The following EXOC6B variants were observed in gnomAD, a reference collection of about 807,000 sequenced individuals.
The protein encoded by EXOC6B is exocyst complex component 6B, also known as SEC15 homolog B.
Under a neutral mutation model 113.5 loss-of-function variants are expected in EXOC6B, and 54 were observed. The ratio of observed to expected loss-of-function variants is 0.48; its 90% confidence interval spans 0.38 to 0.60. The LOEUF (loss-of-function observed/expected upper bound fraction) is 0.60, where lower values mean the gene tolerates loss of function less well. Ranked by LOEUF, EXOC6B falls within the 20% of genes least tolerant of loss-of-function variation. EXOC6B has a pLI of 0.00. For synonymous variants in EXOC6B, 357 were observed against 339.0 expected, an observed-to-expected ratio of 1.05 and a Z score of -0.58; for missense variants, 797 against 977.5, an observed-to-expected ratio of 0.82 and a Z score of 2.46.
chr2:72,342,836 A>G (rs916492231), intron 19 of EXOC6B, among the ~76,000 whole-genome samples: 1 of 152,188 alleles, frequency 6.6e-6, no homozygotes, highest in Admixed American at 6.5e-5. Context: ...AGTTAAAACT[A>G]TAGTTACCGT....
At chr2:72,196,562 T>C (rs900205891) in intron 20 of EXOC6B, among the ~76,000 whole-genome samples, 1 of 152,220 alleles carries the variant, frequency 6.6e-6, no homozygotes, top group African/African-American at 2.4e-5. Flanking sequence ...ATTTTGGAAC[T>C]AATCAATAGT....
intron 20 of EXOC6B, among the ~76,000 whole-genome samples, chr2:72,258,528 A>G (rs1683496759): frequency 6.6e-6 from 1 of 151,062 alleles, no homozygotes; most frequent in Non-Finnish European, 1.5e-5. Context: ...ACTCCTGGCT[A>G]ATTTTTTAAA....
At chr2:72,790,624 G>A (rs1012201473) in intron 1 of EXOC6B, among the ~76,000 whole-genome samples, 2 of 152,078 alleles carry the variant, frequency 1.3e-5, no homozygotes, top group African/African-American at 4.8e-5. Context: ...GAAAAAAGTA[G>A]TCCATTTTAA....
intron 18 of EXOC6B, among the ~76,000 whole-genome samples, chr2:72,437,031 C>T (rs1479459698): frequency 3.3e-5 from 5 of 152,134 alleles, no homozygotes; most frequent in African/African-American, 7.2e-5. Flanking sequence ...TCCTCATCTC[C>T]GTGGATTTAT....
At chr2:72,261,971 G>A (rs751838614) in intron 20 of EXOC6B, among the ~76,000 whole-genome samples, 1 of 152,124 alleles carries the variant, frequency 6.6e-6, no homozygotes, top group Non-Finnish European at 1.5e-5. Context: ...GCCCAGGAAG[G>A]TTAGATTACT....
chr2:72,339,138 G>A (rs575992479), intron 19 of EXOC6B, among the ~76,000 whole-genome samples: 15 of 152,174 alleles, frequency 9.9e-5, no homozygotes, highest in African/African-American at 2.9e-4. Context: ...TACCACATGA[G>A]AGAGGGGCAA....
chr2:72,676,133 A>ATTTTTTT (rs1676288140), intron 6 of EXOC6B, among the ~76,000 whole-genome samples: 1 of 151,980 alleles, frequency 6.6e-6, no homozygotes, highest in Non-Finnish European at 1.5e-5. Flanking sequence ...GTTTAAAAAA[A>ATTTTTTT]AAAAAAAAGA....
intron 6 of EXOC6B, among the ~76,000 whole-genome samples, chr2:72,631,426 GTATATATATATA>G (rs376088377): frequency 0.013 from 363 of 28,128 alleles, 13 homozygotes; most frequent in Middle Eastern, 0.045. Flanking sequence ...GTGTGTGTGT[GTATATATATATA>G]TATATATATA....
chr2:72,415,859 C>A (rs659833), intron 18 of EXOC6B, among the ~76,000 whole-genome samples: 55,228 of 151,960 alleles, frequency 0.36, 16,430 homozygotes, highest in African/African-American at 0.83. Flanking sequence ...GCAGAGAAAA[C>A]GTGATTTCTA....
intron 18 of EXOC6B, among the ~76,000 whole-genome samples, chr2:72,423,874 A>G (rs1249394385): frequency 6.6e-6 from 1 of 152,208 alleles, no homozygotes; most frequent in East Asian, 1.9e-4. Flanking sequence ...TCAAAATGTA[A>G]TATTTTTATT....
chr2:72,492,915 A>G (rs1229914227), intron 15 of EXOC6B, among the ~76,000 whole-genome samples: 1 of 151,966 alleles, frequency 6.6e-6, no homozygotes, highest in African/African-American at 2.4e-5. Flanking sequence ...CAAAATCTTG[A>G]ATTTCTTGTT....
chr2:72,380,687 A>T (rs590252), intron 18 of EXOC6B, among the ~76,000 whole-genome samples: 13 of 151,850 alleles, frequency 8.6e-5, no homozygotes, highest in Non-Finnish European at 1.5e-4. Context: ...AAACAAAAAG[A>T]TTACCTGAAA....
In EXOC6B at chr2:72,508,361, T is replaced by C. The variant is rs1700720616; in HGVS notation, c.1167+4771A>G. Among the ~76,000 whole-genome samples, 3 of 152,158 alleles carry C rather than the reference T, an allele frequency of 2.0e-5. No homozygotes were observed. In the South Asian group the frequency reaches 6.2e-4, roughly 32 times the overall value. On this transcript the variant is annotated intron_variant, in intron 11 of 21. Transcript: ENST00000272427. ...CAAATTATATCTCAATTTTTAGGGG[T>C]GTGGACTAGAGGTGGAAGGGTTGTA...
intron 20 of EXOC6B, among the ~76,000 whole-genome samples, chr2:72,189,256 T>C (rs1317880669): frequency 6.6e-6 from 1 of 152,230 alleles, no homozygotes; most frequent in African/African-American, 2.4e-5. Flanking sequence ...ATGATATTGA[T>C]ACTTTTGAAG....
At chr2:72,364,748 G>C (rs116696978) in intron 19 of EXOC6B, among the ~76,000 whole-genome samples, 1 of 152,064 alleles carries the variant, frequency 6.6e-6, no homozygotes, top group African/African-American at 2.4e-5. Flanking sequence ...ATGTATTTCA[G>C]CTTTATCATC....
chr2:72,612,173 G>C (rs1671114284), intron 6 of EXOC6B, among the ~76,000 whole-genome samples: 1 of 152,032 alleles, frequency 6.6e-6, no homozygotes, highest in Admixed American at 6.5e-5. Flanking sequence ...TACTCGGAAG[G>C]CTGAGGCACG....
intron 6 of EXOC6B, among the ~76,000 whole-genome samples, chr2:72,595,293 ATC>A (rs201397495): frequency 3.1e-4 from 45 of 145,878 alleles, no homozygotes; most frequent in African/African-American, 5.0e-4. Flanking sequence ...AGATATATAT[ATC>A]TATATATATA....
intron 18 of EXOC6B, among the ~76,000 whole-genome samples, chr2:72,459,567 A>T (rs1466913708): frequency 6.6e-6 from 1 of 152,170 alleles, no homozygotes; most frequent in Non-Finnish European, 1.5e-5. Flanking sequence ...AATAACAGAC[A>T]AACAGAGAGC....
intron 20 of EXOC6B, among the ~76,000 whole-genome samples, chr2:72,245,748 G>A (rs1682612950): frequency 6.6e-6 from 1 of 152,064 alleles, no homozygotes. Flanking sequence ...AAAACCCACA[G>A]AATGTACAAT....
Sources: gnomAD v4.1 joint callset for allele counts (sites outside exome capture counted in the v4.1 genomes callset) on GRCh38, gnomAD v4.1.1 for gene constraint, MANE v1.5 for transcripts, NCBI Gene and HGNC (gene_info 2026-07-23, HGNC 2026-07-21) for gene names.